Variants in ZFHX3 observed in about 807,000 individuals in gnomAD.
ZFHX3 encodes zinc finger homeobox 3, also known as zinc finger homeobox protein 3.
In ZFHX3, 42 loss-of-function variants were observed where a neutral mutation model predicts 279.1. The ratio of observed to expected loss-of-function variants is 0.15; its 90% CI spans 0.12 to 0.19. The LOEUF (loss-of-function observed/expected upper bound fraction) is 0.19. Among genes scored for constraint, ZFHX3 ranks in the 10% least tolerant of loss-of-function variants. The probability of loss-of-function intolerance (pLI) is 1.00; values close to 1 mark genes in which losing one functional copy is unlikely to be tolerated. For synonymous variants in ZFHX3, 2,293 were observed against 1,957.8 expected, an observed-to-expected ratio of 1.17 and a Z score of -4.52; for missense variants, 4,981 against 4,754.0, an observed-to-expected ratio of 1.05 and a Z score of -1.40.
At chr16:73,869,537 T>C (rs1683504376) in intron 1 of ZFHX3, among the ~76,000 whole-genome samples, 1 of 152,240 alleles carries the variant, frequency 6.6e-6, no homozygotes, top group African/African-American at 2.4e-5. Flanking sequence ...GGAGAAATGC[T>C]TTAGAAAACG....
chr16:73,631,773 G>A (rs1322119211), intron 2 of ZFHX3, among the ~76,000 whole-genome samples: 4 of 152,084 alleles, frequency 2.6e-5, no homozygotes, highest in African/African-American at 7.2e-5. Context: ...CAGGGATGGT[G>A]GTGCACGCCT....
intron 3 of ZFHX3, among the ~76,000 whole-genome samples, chr16:73,344,700 G>C (rs548007488): frequency 6.6e-6 from 1 of 151,896 alleles, no homozygotes; most frequent in East Asian, 1.9e-4. Context: ...GAGAGACAGA[G>C]AGAGAGAGAG....
chr16:73,107,791 G>C (rs115760081), intron 7 of ZFHX3, among the ~76,000 whole-genome samples: 3,721 of 152,278 alleles, frequency 0.024, 163 homozygotes, highest in African/African-American at 0.082. Context: ...CAAGGTAGCA[G>C]GGTCGCTGAG....
At chr16:73,202,589 G>C (rs906927024) in intron 5 of ZFHX3, among the ~76,000 whole-genome samples, 12 of 152,212 alleles carry the variant, frequency 7.9e-5, no homozygotes, top group Non-Finnish European at 7.3e-5. Context: ...ACCAGATGGT[G>C]CTGAGGGAAC....
upstream of ZFHX3, among the ~76,000 whole-genome samples, chr16:73,048,916 A>C (rs1386415691): frequency 3.9e-5 from 6 of 152,240 alleles, no homozygotes; most frequent in African/African-American, 9.6e-5. Flanking sequence ...GCAGTCTACC[A>C]TGTAAGCCTC....
intron 7 of ZFHX3, among the ~76,000 whole-genome samples, chr16:73,119,962 T>G (rs12444072): frequency 0.45 from 67,698 of 152,058 alleles, 16,731 homozygotes; most frequent in Middle Eastern, 0.6. Context: ...ATTCCAGATG[T>G]GGAATTGCAG....
chr16:73,365,050 G>C (rs1439056163), intron 3 of ZFHX3, among the ~76,000 whole-genome samples: 1 of 152,170 alleles, frequency 6.6e-6, no homozygotes, highest in African/African-American at 2.4e-5. Flanking sequence ...CCCCACCCAG[G>C]CATGTGGCGA....
At chr16:73,765,392 T>C (rs1008349045) in intron 1 of ZFHX3, among the ~76,000 whole-genome samples, 1 of 152,252 alleles carries the variant, frequency 6.6e-6, no homozygotes, top group African/African-American at 2.4e-5. Flanking sequence ...TTGTGAAGCA[T>C]GCAGTAAATC....
chr16:73,871,945 G>A (rs1307479905), intron 1 of ZFHX3, among the ~76,000 whole-genome samples: 1 of 152,172 alleles, frequency 6.6e-6, no homozygotes, highest in Non-Finnish European at 1.5e-5. Context: ...TTATTTTGAA[G>A]AGTAATTGTA....
chr16:72,967,454 A>C (rs1239510437), intron 1 of ZFHX3, among the ~76,000 whole-genome samples: 1 of 152,130 alleles, frequency 6.6e-6, no homozygotes, highest in East Asian at 1.9e-4. Context: ...TCCCTACTTT[A>C]AGAAAAAAAA....
intron 3 of ZFHX3, among the ~76,000 whole-genome samples, chr16:72,899,233 C>G (rs531142480): frequency 3.5e-4 from 54 of 152,318 alleles, no homozygotes; most frequent in African/African-American, 1.3e-3. Flanking sequence ...TCCCCATAAT[C>G]CCCATGTATC....
At chr16:73,445,504 C>G (rs891755836) in intron 3 of ZFHX3, among the ~76,000 whole-genome samples, 3 of 152,076 alleles carry the variant, frequency 2.0e-5, no homozygotes, top group Non-Finnish European at 4.4e-5. Context: ...TGTTATCAAG[C>G]AGGATAGTTC....
chr16:73,583,069 C>A (rs2143827340), intron 2 of ZFHX3, among the ~76,000 whole-genome samples: 1 of 152,298 alleles, frequency 6.6e-6, no homozygotes, highest in South Asian at 2.1e-4. Context: ...TGGGAAGTGT[C>A]TACAAACCAC....
chr16:73,709,115 A>G (rs1231035566), intron 1 of ZFHX3, among the ~76,000 whole-genome samples: 1 of 152,146 alleles, frequency 6.6e-6, no homozygotes, highest in Non-Finnish European at 1.5e-5. Flanking sequence ...CATTATTCAC[A>G]ATGGCCAAGA....
At chr16:73,483,289 C>T (rs2018904604) in intron 2 of ZFHX3, 1 of 431,344 alleles carries the variant, frequency 2.3e-6, no homozygotes, top group African/African-American at 2.1e-5. Context: ...GACACGTGCA[C>T]GGAGCCTCCG....
Position 72,811,612 on chromosome 16 carries a change from C to T in ZFHX3, c.3829G>A (p.Val1277Met), listed in dbSNP as rs750527365. ...AGCTTCTCCACGCAGTCAGGTGCCACGCTGTGGAGGTGGGTGAGGTGCAGC... is the reference window on the plus strand; with the variant it reads ...AGCTTCTCCACGCAGTCAGGTGCCATGCTGTGGAGGTGGGTGAGGTGCAGC... ...LQLHLTHLHS[V>M]APDCVEKLIM... The change falls in exon 7 of 10, where the codon GTG becomes ATG. Residue 1277 changes from valine to methionine, a missense_variant. Val to Met is a conservative substitution (Grantham distance 21). Around this residue, in one of 7 missense-constraint regions of ZFHX3, gnomAD observed 1,751 missense variants for 1,770.0 expected, o/e 0.99. Transcript: ENST00000268489. The T allele has an allele frequency of 2.5e-6, 4 of 1,609,614 alleles. No homozygotes were observed. The highest frequency in any genetic ancestry group is 2.5e-6 in the Non-Finnish European group (3 of 1,177,446).
intron 4 of ZFHX3, among the ~76,000 whole-genome samples, chr16:72,837,114 A>G (rs1323188663): frequency 6.6e-6 from 1 of 152,190 alleles, no homozygotes; most frequent in African/African-American, 2.4e-5. Flanking sequence ...CACCAAGTCA[A>G]TGGGACAGAG....
intron 8 of ZFHX3, among the ~76,000 whole-genome samples, chr16:73,073,086 G>T (rs1009360495): frequency 1.3e-5 from 2 of 148,762 alleles, no homozygotes; most frequent in Admixed American, 6.7e-5. Context: ...TAGTAGAGAC[G>T]AGGTTTCACT....
rs1020753774 is a variant in ZFHX3, at chr16:73,250,447, T to C, written c.-1104+6600A>G. 3.9e-5 allele frequency among the ~76,000 whole-genome samples: 6 copies of C among 152,378 alleles called. No individual in the cohort carries two copies. The East Asian group carries it at 1.2e-3, about 29-fold the overall frequency. On this transcript the variant is annotated intron_variant, in intron 5 of 17. Coordinates refer to the ZFHX3 transcript ENST00000641206. ...ATAAAATTTGCTATTTTATCCATTT[T>C]TAATTTTACAATTCAGTGGCATTAA...
Sources: allele counts gnomAD v4.1 joint callset (sites outside exome capture counted in the v4.1 genomes callset), GRCh38; gene constraint gnomAD v4.1.1; regional missense constraint gnomAD v4.1.1; transcripts MANE v1.5; gene names NCBI Gene and HGNC (gene_info 2026-07-23, HGNC 2026-07-21).